The following MPHOSPH8 variants were observed in gnomAD, a reference collection of about 807,000 sequenced individuals.
MPHOSPH8 encodes M-phase phosphoprotein 8, also known as M-phase phosphoprotein, mpp.
Under a neutral mutation model 87.3 loss-of-function variants are expected in MPHOSPH8, and 45 were observed. The observed-to-expected ratio is 0.52, with a 90% CI of 0.41 to 0.66. The LOEUF is 0.66. Ranked by LOEUF, MPHOSPH8 falls within the 30% of genes least tolerant of loss-of-function variation. The pLI, the probability that MPHOSPH8 is intolerant of heterozygous loss-of-function variation, is 0.00. For synonymous variants in MPHOSPH8, 366 were observed against 376.9 expected (o/e 0.97, Z 0.33); for missense variants, 883 against 1,020.2 (o/e 0.87, Z 1.83).
At chr13:19,658,472 C>CA (rs35907022) in intron 5 of MPHOSPH8, among the ~76,000 whole-genome samples, 1,802 of 151,992 alleles carry the variant, frequency 0.012, 36 homozygotes, top group African/African-American at 0.039. Context: ...CAATACCTCA[C>CA]GGGGGTGGGT....
rs778037327 is a variant in MPHOSPH8 at position 19,673,186 on chromosome 13, G to A, written c.*1311G>A. On this transcript the variant is annotated 3_prime_UTR_variant, in exon 14 of 14. Transcript: ENST00000361479. ...GCTTAGGTAACAGCCAAACCTGGCT[G>A]TCAGCTGTGTGGGAGCCACCACCCT... The A allele has an allele frequency of 4.0e-5, 18 of 447,732 alleles. No individual in the cohort carries two copies. The highest frequency in any genetic ancestry group is 7.1e-5 in the Non-Finnish European group (16 of 224,938). 27.7% of individuals were successfully genotyped at this position (447,732 alleles called of 1,614,324 possible). A position where few individuals can be genotyped will look rare whatever the true frequency, so the allele number is the denominator to read the frequency against.
At chr13:19,671,811 C>G (rs1876145921) in intron 13 of MPHOSPH8, 23 bp from the exon 14 acceptor site, 1 of 1,612,974 alleles carries the variant, frequency 6.2e-7, no homozygotes, top group South Asian at 1.1e-5. Context: ...TGTACTGACA[C>G]CTGCGTTCTT....
Position 19,633,834 on chromosome 13 carries a change from A to G in MPHOSPH8, c.86A>G (p.Glu29Gly). 6.2e-7 allele frequency: 1 copy of G among 1,610,862 alleles called. No individual in the cohort carries two copies. Among genetic ancestry groups the G allele is most frequent in the East Asian group, 2.2e-5 (1 of 44,818 alleles). The change falls in exon 1 of 14, where the codon GAA (glutamate) becomes GGA (glycine). Residue 29 changes from glutamate (E) to glycine (G), a missense_variant. Physicochemically the swap from Glu to Gly is moderately conservative, Grantham distance 98. Coordinates refer to ENST00000361479, the MANE Select transcript of MPHOSPH8 (RefSeq NM_017520.4). ...ACTGAGGAGTTGGCCGAAGTCGAAG[A>G]AGGAGTTGGAGTAGTGGGCGAAGAT... The part of the protein sequence containing the change: ...DSTEELAEVE[E>G]GVGVVGEDND...
intron 5 of MPHOSPH8, 42 bp downstream of exon 5, chr13:19,650,302 A>C (rs1874776008): frequency 6.3e-7 from 1 of 1,587,280 alleles, no homozygotes; most frequent in African/African-American, 1.4e-5. Context: ...AAGGTAGTGC[A>C]CCATATTATT....
intron 11 of MPHOSPH8, among the ~76,000 whole-genome samples, chr13:19,668,943 C>T (rs73166954): frequency 0.02 from 3,046 of 152,230 alleles, 43 homozygotes; most frequent in Non-Finnish European, 0.026. Context: ...AGCCTCTGCT[C>T]GACAGACCCT....
Position 19,671,197 on chromosome 13 carries a change from C to G in MPHOSPH8, c.2458-9C>G. 6.2e-7 allele frequency: 1 copy of G among 1,605,122 alleles called. No homozygotes were observed. Among genetic ancestry groups the G allele is most frequent in the South Asian group, 1.1e-5 (1 of 89,260 alleles). On this transcript the variant is annotated splice_polypyrimidine_tract_variant and intron_variant, in intron 12 of 13. Transcript: ENST00000361479. The stretch of plus-strand genomic sequence containing the variant: ...AAACACTGACTTTTTTTTTCTCTTT[C>G]CATTGTAGGACAGTCATTTTGTTTA...
intron 2 of MPHOSPH8, among the ~76,000 whole-genome samples, chr13:19,645,744 C>CA (rs71092387): frequency 0.074 from 5,535 of 75,212 alleles, 377 homozygotes; most frequent in African/African-American, 0.21. Context: ...GACTCTGTCT[C>CA]AAAAAAAAAA....
At chr13:19,666,686 C>T (rs557423348) in intron 10 of MPHOSPH8, 107 bp downstream of exon 10, 42 of 957,276 alleles carry the variant, frequency 4.4e-5, no homozygotes, top group Non-Finnish European at 5.7e-5. Flanking sequence ...GAAAAACATC[C>T]AGCACAAGTC....
At chr13:19,645,419 A>T (rs1015532823) in intron 2 of MPHOSPH8, among the ~76,000 whole-genome samples, 1 of 152,098 alleles carries the variant, frequency 6.6e-6, no homozygotes, top group African/African-American at 2.4e-5. Context: ...GTGCCACCAT[A>T]TTCCCACTTG....
At chr13:19,643,828 A>G (rs1485362520) in intron 2 of MPHOSPH8, among the ~76,000 whole-genome samples, 1 of 152,134 alleles carries the variant, frequency 6.6e-6, no homozygotes, top group African/African-American at 2.4e-5. Flanking sequence ...TCCCAGCCTC[A>G]ATAAATCCAT....
intron 2 of MPHOSPH8, among the ~76,000 whole-genome samples, chr13:19,645,670 C>G (rs996270896): frequency 2.0e-5 from 3 of 150,804 alleles, no homozygotes; most frequent in Non-Finnish European, 1.5e-5. Flanking sequence ...GCAGGAGAAT[C>G]GCTTGAACCC....
At position 19,645,017 on chromosome 13, in the gene MPHOSPH8, T is replaced by G. The variant is rs1044384376; in HGVS notation, c.370-1426T>G. Among the ~76,000 whole-genome samples, 4 of 152,282 alleles carry G rather than the reference T, an allele frequency of 2.6e-5. No homozygotes were observed. The South Asian group carries it at 8.3e-4, about 32-fold the overall frequency. On this transcript the variant is annotated intron_variant, in intron 2 of 13. Coordinates refer to ENST00000361479, the MANE Select transcript of MPHOSPH8 (RefSeq NM_017520.4). ...TTTGTTTCTGTCTTCTCTGGCCTAC[T>G]TGGTTTGGAATCTAATCCTAGCAGT...
At chr13:19,658,861 A>C in intron 5 of MPHOSPH8, 134 bp from the exon 6 acceptor site, 1 of 1,055,912 alleles carries the variant, frequency 9.5e-7, no homozygotes, top group Non-Finnish European at 1.4e-6. Flanking sequence ...CAATTAAAAG[A>C]CCCCATTATA....
chr13:19,636,430 T>A lies in MPHOSPH8; in HGVS notation c.213+2469T>A, dbSNP rs577199850. 3.1e-3 allele frequency among the ~76,000 whole-genome samples: 466 copies of A among 152,306 alleles called. 4 individuals carry two copies. Among genetic ancestry groups the A allele is most frequent in the Middle Eastern group, 6.8e-3 (2 of 292 alleles). On this transcript the variant is annotated intron_variant, in intron 1 of 13. Transcript: ENST00000361479. ...CACCATTCCAAATCATTATTTATAA[T>A]TTATTTGGGGTAATAGAGTAAGCAG...
chr13:19,671,076 T>C (rs1454467096), intron 12 of MPHOSPH8, 130 bp from the exon 13 acceptor site: 1 of 1,461,818 alleles, frequency 6.8e-7, no homozygotes, highest in Admixed American at 2.5e-5. Context: ...CGCCTTGGCC[T>C]CCTCCACAAC....
chr13:19,653,638 A>G (rs973651540), intron 5 of MPHOSPH8, among the ~76,000 whole-genome samples: 6 of 152,190 alleles, frequency 3.9e-5, no homozygotes, highest in Non-Finnish European at 5.9e-5. Flanking sequence ...TTCTAACCCA[A>G]TGCAAGGAAG....
At position 19,673,142 on chromosome 13, in the gene MPHOSPH8, C is replaced by T. The variant is rs1359595677; in HGVS notation, c.*1267C>T. ...CCAGACCTTGTGCCCTTGTTTTGAA[C>T]ACCGACTGGGAAGATGGGGCTTAGG... On this transcript the variant is annotated 3_prime_UTR_variant, in exon 14 of 14. Transcript: ENST00000361479. 1 of 450,806 alleles carries T rather than the reference C, an allele frequency of 2.2e-6. No homozygotes were observed. Among genetic ancestry groups the T allele is most frequent in the Non-Finnish European group, 4.4e-6 (1 of 225,768 alleles). 27.9% of individuals were successfully genotyped at this position (450,806 alleles called of 1,614,324 possible).
rs576173482 is a variant in MPHOSPH8, at chr13:19,670,107, T to A, written c.2330-129T>A. On this transcript the variant is annotated intron_variant, in intron 11 of 13. Transcript: ENST00000361479. ...TGAGAGGGCCAGCCTCCTCTGAGCC[T>A]CCAGGCAGAGTGGGTGATGCCTGTC... The A allele has an allele frequency of 1.0e-4, 112 of 1,094,606 alleles. 1 individual carries two copies. In the African/African-American group the frequency reaches 1.2e-3, roughly 12 times the overall value. The allele number at this position is 1,094,606 out of a possible 1,614,324, so 67.8% of individuals were successfully genotyped here. A position where few individuals can be genotyped will look rare whatever the true frequency, so the allele number is the denominator to read the frequency against.
intron 2 of MPHOSPH8, among the ~76,000 whole-genome samples, chr13:19,645,850 G>A (rs1874536064): frequency 6.6e-6 from 1 of 151,652 alleles, no homozygotes; most frequent in Non-Finnish European, 1.5e-5. Flanking sequence ...TTTGCATAGT[G>A]TTTTTGTGTT....
Sources: gnomAD v4.1 joint callset for allele counts (sites outside exome capture counted in the v4.1 genomes callset) on GRCh38, gnomAD v4.1.1 for gene constraint, MANE v1.5 for transcripts, NCBI Gene and HGNC (gene_info 2026-07-23, HGNC 2026-07-21) for gene names.